ZNF33B: variants seen among roughly 807,000 people sequenced by gnomAD.
ZNF33B encodes the protein zinc finger protein 11b (KOX 2).
ZNF33B carries 29 observed loss-of-function variants against 45.8 expected under a neutral mutation model. That is an observed-to-expected ratio of 0.63 (90% CI 0.47 to 0.86). The LOEUF (loss-of-function observed/expected upper bound fraction) is 0.86, where lower values mean the gene tolerates loss of function less well. Among genes scored for constraint, ZNF33B ranks in the 40% least tolerant of loss-of-function variants. ZNF33B has a pLI of 0.00. For synonymous variants in ZNF33B, 305 were observed against 307.8 expected (o/e 0.99, Z 0.10); for missense variants, 831 against 909.9 (o/e 0.91, Z 1.12).
In ZNF33B at chr10:42,591,353, G is replaced by A. The variant is rs1298120504; in HGVS notation, c.*1260C>T. 8.3e-6 allele frequency: 4 copies of A among 484,618 alleles called. No homozygotes were observed. In the African/African-American group the frequency reaches 8.4e-5, roughly 10 times the overall value. The allele number at this position is 484,618 out of a possible 1,614,324, so 30.0% of individuals were successfully genotyped here. A position where few individuals can be genotyped will look rare whatever the true frequency, so the allele number is the denominator to read the frequency against. Reference sequence around the variant, plus strand: ...TGTACCCCAGGCAGTTCATGGCATGGGATGAGCCACAGGTAGTAAGAGAAA... The same window carrying A: ...TGTACCCCAGGCAGTTCATGGCATGAGATGAGCCACAGGTAGTAAGAGAAA... On this transcript the variant is annotated 3_prime_UTR_variant, in exon 5 of 5. Coordinates refer to ENST00000359467, the MANE Select transcript of ZNF33B (RefSeq NM_006955.3).
chr10:42,635,720 G>A (rs1451557583), intron 2 of ZNF33B, among the ~76,000 whole-genome samples: 1 of 149,316 alleles, frequency 6.7e-6, no homozygotes, highest in Non-Finnish European at 1.5e-5. Flanking sequence ...TGAGGCAGGA[G>A]AATCACTTGA....
At chr10:42,595,687 ACT>A (rs1355866325) in intron 4 of ZNF33B, among the ~76,000 whole-genome samples, 1 of 151,858 alleles carries the variant, frequency 6.6e-6, no homozygotes, top group East Asian at 1.9e-4. Context: ...ACATGCATGA[ACT>A]CTCTTTCTCC....
intron 4 of ZNF33B, among the ~76,000 whole-genome samples, chr10:42,621,321 G>A (rs183324979): frequency 5.3e-4 from 80 of 151,944 alleles, no homozygotes; most frequent in African/African-American, 1.9e-3. Context: ...AACAGAGTGA[G>A]ACTCTTTTAA....
At chr10:42,635,408 G>T (rs543040155) in intron 2 of ZNF33B, among the ~76,000 whole-genome samples, 100 of 151,768 alleles carry the variant, frequency 6.6e-4, no homozygotes, top group Admixed American at 7.9e-4. Context: ...GCTGCAGGAG[G>T]GCTGGCAATG....
intron 4 of ZNF33B, among the ~76,000 whole-genome samples, chr10:42,597,564 G>A (rs111843863): frequency 0.02 from 3,079 of 151,962 alleles, 77 homozygotes; most frequent in African/African-American, 0.063. Context: ...ATATATAATT[G>A]AAAGTAACAT....
chr10:42,630,373 T>C (rs1838996588), intron 4 of ZNF33B, among the ~76,000 whole-genome samples: 1 of 152,230 alleles, frequency 6.6e-6, no homozygotes, highest in Non-Finnish European at 1.5e-5. Flanking sequence ...TGTTTCTCTC[T>C]GGCTACTTTG....
Position 42,632,424 on chromosome 10 carries a change from G to C in ZNF33B, c.25C>G (p.Gln9Glu), listed in dbSNP as rs1329225708. 10 of 1,613,268 alleles carry C rather than the reference G, an allele frequency of 6.2e-6. No individual in the cohort carries two copies. Among genetic ancestry groups the C allele is most frequent in the Non-Finnish European group, 6.8e-6 (8 of 1,179,816 alleles). The change falls in exon 3 of 5, where the codon CAG becomes GAG. Residue 9 changes from glutamine (Q) to glutamate (E), a missense_variant. Coordinates refer to ENST00000359467, the MANE Select transcript of ZNF33B (RefSeq NM_006955.3). MNKVDQKF[Q>E]GSVSFKDVTV... ...ACATCTTTAAATGATACTGACCCCT[G>C]GAACTTCTGATCTACCTGAAATGTT...
intron 4 of ZNF33B, among the ~76,000 whole-genome samples, chr10:42,599,773 T>C (rs1364659969): frequency 2.0e-5 from 3 of 151,984 alleles, no homozygotes; most frequent in Non-Finnish European, 4.4e-5. Context: ...CAAAAGTAAG[T>C]AGCAAAAAGG....
At chr10:42,636,838 C>G (rs1564532298) in intron 2 of ZNF33B, 82 bp downstream of exon 2, 34 of 1,600,232 alleles carry the variant, frequency 2.1e-5, no homozygotes, top group Non-Finnish European at 2.1e-5. Flanking sequence ...ACAAACAAAA[C>G]AAAACAAAAA....
intron 4 of ZNF33B, among the ~76,000 whole-genome samples, chr10:42,607,374 G>C (rs565532637): frequency 6.6e-6 from 1 of 150,996 alleles, no homozygotes; most frequent in Non-Finnish European, 1.5e-5. Flanking sequence ...AGAGACACTG[G>C]AGACTTGGAG....
At chr10:42,587,666 C>T (rs1256059356), downstream of ZNF33B, among the ~76,000 whole-genome samples, 2 of 152,152 alleles carry the variant, frequency 1.3e-5, no homozygotes, top group African/African-American at 4.8e-5. Flanking sequence ...GGCCATCAGG[C>T]CCCGTGATTC....
At chr10:42,595,547 C>A (rs886803540) in intron 4 of ZNF33B, among the ~76,000 whole-genome samples, 2 of 152,096 alleles carry the variant, frequency 1.3e-5, no homozygotes, top group African/African-American at 4.8e-5. Context: ...GTTAAAACCC[C>A]AACCTCCAGT....
At chr10:42,603,244 G>A (rs1837701330) in intron 4 of ZNF33B, among the ~76,000 whole-genome samples, 1 of 152,156 alleles carries the variant, frequency 6.6e-6, no homozygotes, top group Non-Finnish European at 1.5e-5. Flanking sequence ...CTCTCACCTA[G>A]GGCCAGCTGT....
intron 2 of ZNF33B, among the ~76,000 whole-genome samples, chr10:42,635,209 C>G (rs1256589767): frequency 1.3e-5 from 2 of 150,132 alleles, no homozygotes; most frequent in Non-Finnish European, 2.9e-5. Context: ...CCACTGCACT[C>G]TAGCCTGAGT....
At chr10:42,624,077 T>C (rs1247804894) in intron 4 of ZNF33B, among the ~76,000 whole-genome samples, 1 of 152,242 alleles carries the variant, frequency 6.6e-6, no homozygotes, top group Non-Finnish European at 1.5e-5. Flanking sequence ...TCTTCCCAGC[T>C]TGCAGTTGGC....
chr10:42,591,348 G>A lies in ZNF33B; in HGVS notation c.*1265C>T, dbSNP rs760000459. 3.0e-5 allele frequency: 16 copies of A among 537,292 alleles called. No homozygotes were observed. Among genetic ancestry groups the A allele is most frequent in the Non-Finnish European group, 3.8e-5 (16 of 420,710 alleles). 33.3% of individuals were successfully genotyped at this position (537,292 alleles called of 1,614,324 possible). ...ACATATGTACCCCAGGCAGTTCATG[G>A]CATGGGATGAGCCACAGGTAGTAAG... On this transcript the variant is annotated 3_prime_UTR_variant, in exon 5 of 5. Coordinates refer to ENST00000359467, the MANE Select transcript of ZNF33B (RefSeq NM_006955.3).
At chr10:42,634,879 T>C (rs1839216839) in intron 2 of ZNF33B, among the ~76,000 whole-genome samples, 1 of 152,230 alleles carries the variant, frequency 6.6e-6, no homozygotes, top group African/African-American at 2.4e-5. Flanking sequence ...TCATCTAAAA[T>C]AGCACACACC....
chr10:42,601,980 C>T (rs371902936), intron 4 of ZNF33B, among the ~76,000 whole-genome samples: 1 of 137,688 alleles, frequency 7.3e-6, no homozygotes, highest in Non-Finnish European at 1.5e-5. Context: ...TGCAGAGGTG[C>T]AATCTTGGCT....
intron 4 of ZNF33B, among the ~76,000 whole-genome samples, chr10:42,615,119 G>C (rs1450001761): frequency 6.6e-6 from 1 of 152,150 alleles, no homozygotes; most frequent in Non-Finnish European, 1.5e-5. Context: ...TGCATTGCTG[G>C]CAGGACTGTA....
Sources: gnomAD v4.1 joint callset for allele counts (sites outside exome capture counted in the v4.1 genomes callset) on GRCh38, gnomAD v4.1.1 for gene constraint, MANE v1.5 for transcripts, NCBI Gene and HGNC (gene_info 2026-07-23, HGNC 2026-07-21) for gene names.